ZNF713: variants seen among roughly 807,000 people sequenced by gnomAD.
The protein encoded by ZNF713 is zinc finger protein 713.
A neutral mutation model predicts 28.7 loss-of-function variants in ZNF713; 21 were observed. The ratio of observed to expected loss-of-function variants is 0.73; its 90% CI spans 0.52 to 1.05. The LOEUF (loss-of-function observed/expected upper bound fraction) is 1.05. Among genes scored for constraint, ZNF713 ranks in the 50% least tolerant of loss-of-function variants. ZNF713 has a pLI of 0.00. For synonymous variants in ZNF713, 167 were observed against 178.0 expected, an observed-to-expected ratio of 0.94 and a Z score of 0.49; for missense variants, 458 against 532.4, an observed-to-expected ratio of 0.86 and a Z score of 1.37.
At chr7:55,915,653 C>T (rs915394345) in intron 4 of ZNF713, among the ~76,000 whole-genome samples, 2 of 152,124 alleles carry the variant, frequency 1.3e-5, no homozygotes, top group Admixed American at 1.3e-4. Flanking sequence ...TGCTAAAAAT[C>T]ATCTGCAAAA....
At chr7:55,927,587 A>T (rs759132577) in intron 6 of ZNF713, among the ~76,000 whole-genome samples, 5 of 151,978 alleles carry the variant, frequency 3.3e-5, no homozygotes, top group Non-Finnish European at 7.4e-5. Context: ...GAAGGGAAGG[A>T]ACCAGTAGAG....
At chr7:55,897,339 G>A (rs1036443240) in intron 1 of ZNF713, among the ~76,000 whole-genome samples, 2 of 151,772 alleles carry the variant, frequency 1.3e-5, no homozygotes, top group Admixed American at 6.6e-5. Flanking sequence ...GAGTGCAGTG[G>A]CATGATCACA....
chr7:55,888,244 T>C (rs1229735552), intron 1 of ZNF713, among the ~76,000 whole-genome samples: 2 of 152,340 alleles, frequency 1.3e-5, no homozygotes, highest in Admixed American at 6.5e-5. Context: ...GAGTATGATA[T>C]TTGTGGTAAG....
intron 4 of ZNF713, among the ~76,000 whole-genome samples, chr7:55,918,484 G>T (rs1458989638): frequency 3.3e-5 from 5 of 152,152 alleles, no homozygotes; most frequent in Non-Finnish European, 7.4e-5. Context: ...GTGGAGTGTT[G>T]CAAAAACAGA....
intron 1 of ZNF713, among the ~76,000 whole-genome samples, chr7:55,902,231 G>A (rs1785593299): frequency 6.6e-6 from 1 of 151,706 alleles, no homozygotes; most frequent in African/African-American, 2.4e-5. Flanking sequence ...TATATAAGAA[G>A]GAATAGAAAA....
chr7:55,929,762 T>G (rs1181339999), intron 6 of ZNF713, among the ~76,000 whole-genome samples: 1 of 147,932 alleles, frequency 6.8e-6, no homozygotes, highest in Non-Finnish European at 1.5e-5. Context: ...AAAAAAAAAC[T>G]GGAGAGAGAG....
chr7:55,902,909 C>T (rs930155686), intron 1 of ZNF713, among the ~76,000 whole-genome samples: 21 of 149,042 alleles, frequency 1.4e-4, no homozygotes, highest in African/African-American at 4.9e-4. Flanking sequence ...AGGAGAAGCT[C>T]TTGAACCGGG....
intron 1 of ZNF713, among the ~76,000 whole-genome samples, chr7:55,889,899 G>T (rs1483586550): frequency 6.6e-6 from 1 of 152,144 alleles, no homozygotes; most frequent in African/African-American, 2.4e-5. Context: ...TGCTCAGTCT[G>T]CTGTACAATA....
intron 5 of ZNF713, 106 bp from the exon 6 acceptor site, chr7:55,923,501 T>TG: frequency 8.7e-7 from 1 of 1,152,908 alleles, no homozygotes; most frequent in Non-Finnish European, 1.2e-6. Flanking sequence ...TTGCTGCCTC[T>TG]GAAGTCTCCC....
At chr7:55,912,503 C>T (rs1028725240) in intron 3 of ZNF713, 132 bp from the exon 4 acceptor site, 33 of 614,658 alleles carry the variant, frequency 5.4e-5, no homozygotes, top group African/African-American at 4.6e-4. Flanking sequence ...AGAGTAGAGA[C>T]GTCACAACCT....
intron 6 of ZNF713, among the ~76,000 whole-genome samples, chr7:55,926,238 A>C (rs1339321311): frequency 6.6e-6 from 1 of 152,178 alleles, no homozygotes; most frequent in Admixed American, 6.5e-5. Context: ...TGAATCTGGG[A>C]TGCAGAGGTT....
rs1006671253 is a variant in ZNF713 at position 55,912,057 on chromosome 7, T to C, written c.-14T>C. 6.6e-6 allele frequency: 1 copy of C among 152,182 alleles called. No individual in the cohort carries two copies. The highest frequency in any genetic ancestry group is 2.4e-5 in the African/African-American group (1 of 41,410). 9.4% of individuals were successfully genotyped at this position (152,182 alleles called of 1,614,324 possible). A position where few individuals can be genotyped will look rare whatever the true frequency, so the allele number is the denominator to read the frequency against. On this transcript the variant is annotated 5_prime_UTR_variant, in exon 3 of 7. Coordinates refer to ENST00000429591, the MANE Select transcript of ZNF713 (RefSeq NM_182633.3). The stretch of plus-strand genomic sequence containing the variant: ...CCAGTGGAAGACTGAATCGAGAGAC[T>C]CAAAAAGGAAGGTAAACACTTGGAA...
In ZNF713 at chr7:55,895,451, CTTTTTTTTTTTTTTTTTTTTTTTTT is replaced by C. The variant is rs55972416; in HGVS notation, c.-583+7781_-583+7805del. 4.9e-5 allele frequency among the ~76,000 whole-genome samples: 4 copies of C among 82,398 alleles called. No individual in the cohort carries two copies. The East Asian group carries it at 1.4e-3, about 29-fold the overall frequency. The allele number at this position is 82,398 out of a possible 152,430, so 54.1% of individuals were successfully genotyped here. On this transcript the variant is annotated intron_variant, in intron 1 of 6. Transcript: ENST00000429591. ...ATATGCTGTTATATTCTGTTATACT[CTTTTTTTTTTTTTTTTTTTTTTTTT>C]TTTTTTTTTGAGACAGAGTTTCACT... is the stretch of plus-strand genomic sequence containing the variant.
chr7:55,923,532 G>T, intron 5 of ZNF713, 75 bp from the exon 6 acceptor site: 2 of 1,347,152 alleles, frequency 1.5e-6, no homozygotes, highest in Non-Finnish European at 2.1e-6. Flanking sequence ...TCTAAAGATT[G>T]AAAAGGTTGG....
chr7:55,939,559 C>A lies in ZNF713; in HGVS notation c.885C>A (p.Phe295Leu), dbSNP rs752486891. 6.2e-6 allele frequency: 10 copies of A among 1,613,532 alleles called. No homozygotes were observed. The highest frequency in any genetic ancestry group is 6.8e-6 in the Non-Finnish European group (8 of 1,179,876). ...PYKCDECGKR[F>L]SQRIHLIQHQ... ...AGTGTGATGAATGTGGAAAAAGATTCAGCCAGAGGATACATCTCATTCAAC... is the reference window on the plus strand; with the variant it reads ...AGTGTGATGAATGTGGAAAAAGATTAAGCCAGAGGATACATCTCATTCAAC... The change falls in exon 7 of 7, where the codon TTC (phenylalanine) becomes TTA (leucine). Residue 295 changes from phenylalanine (F) to leucine (L), a missense_variant. Transcript: ENST00000429591.
intron 4 of ZNF713, among the ~76,000 whole-genome samples, chr7:55,913,157 G>C (rs1057304354): frequency 1.4e-5 from 2 of 139,408 alleles, no homozygotes; most frequent in Admixed American, 7.1e-5. Flanking sequence ...AGCATCTGTT[G>C]TATCTCTTCC....
At chr7:55,908,203 T>C (rs1320657359) in intron 2 of ZNF713, among the ~76,000 whole-genome samples, 1 of 140,644 alleles carries the variant, frequency 7.1e-6, no homozygotes, top group East Asian at 2.3e-4. Flanking sequence ...AGTGCAGTGG[T>C]GTGATCTTGG....
intron 4 of ZNF713, among the ~76,000 whole-genome samples, chr7:55,922,148 A>G (rs1786004557): frequency 6.6e-6 from 1 of 150,832 alleles, no homozygotes; most frequent in Non-Finnish European, 1.5e-5. Flanking sequence ...GCTGGTCTCA[A>G]ACTCCTGACC....
Position 55,939,559 on chromosome 7 carries a change from C to G in ZNF713, c.885C>G (p.Phe295Leu). Residue 295 changes from phenylalanine to leucine, a missense_variant, in exon 7 of 7, where the codon TTC (phenylalanine) becomes TTG (leucine). Phe to Leu is a conservative substitution (Grantham distance 22, BLOSUM62 0). Transcript: ENST00000429591. ...AGTGTGATGAATGTGGAAAAAGATTCAGCCAGAGGATACATCTCATTCAAC... is the reference window on the plus strand; with the variant it reads ...AGTGTGATGAATGTGGAAAAAGATTGAGCCAGAGGATACATCTCATTCAAC... ...PYKCDECGKR[F>L]SQRIHLIQHQ... 1 of 1,613,650 alleles carries G rather than the reference C, an allele frequency of 6.2e-7. No homozygotes were observed. Among genetic ancestry groups the G allele is most frequent in the Non-Finnish European group, 8.5e-7 (1 of 1,179,868 alleles).
Sources: gnomAD v4.1 joint callset for allele counts (sites outside exome capture counted in the v4.1 genomes callset) on GRCh38, gnomAD v4.1.1 for gene constraint, MANE v1.5 for transcripts, NCBI Gene and HGNC (gene_info 2026-07-23, HGNC 2026-07-21) for gene names.